TRIP13: variants seen among roughly 807,000 people sequenced by gnomAD.
TRIP13 encodes the protein thyroid hormone receptor interactor 13, also known as pachytene checkpoint protein 2 homolog.
A neutral mutation model predicts 54.4 loss-of-function variants in TRIP13; 25 were observed. That is an observed-to-expected ratio of 0.46 (90% confidence interval 0.33 to 0.64). The LOEUF (loss-of-function observed/expected upper bound fraction) is 0.64. TRIP13 is among the 30% of genes least tolerant of loss of function. The probability of loss-of-function intolerance (pLI) is 0.02; values close to 1 mark genes in which losing one functional copy is unlikely to be tolerated. For synonymous variants in TRIP13, 207 were observed against 207.8 expected (o/e 1.00, Z 0.03); for missense variants, 373 against 534.2 (o/e 0.70, Z 2.97).
chr5:901,279 A>G, intron 4 of TRIP13, 62 bp from the exon 5 acceptor site: 3 of 1,536,510 alleles, frequency 2.0e-6, no homozygotes, highest in South Asian at 1.2e-5. Context: ...GGGAGGGCAC[A>G]TTTCTTGGGG....
In TRIP13 at chr5:896,670, C is replaced by T. The variant is rs762063056; in HGVS notation, c.264C>T (p.Ile88=). 8.3e-5 allele frequency: 134 copies of T among 1,606,742 alleles called. No homozygotes were observed. The highest frequency in any genetic ancestry group is 1.1e-4 in the Non-Finnish European group (128 of 1,175,102). The change falls in exon 3 of 13, where the codon ATC becomes ATT. Residue 88 remains isoleucine, a synonymous_variant. Transcript: ENST00000166345. ...TELKVKDSQP[I]DLSACTVALH... is the part of the protein sequence containing the mutation. ...TGGCTTTTCCCTCATTTTAGCCCAT[C>T]GATTTGAGTGCATGCACTGTTGCAC...
At position 917,001 on chromosome 5, in the gene TRIP13, C is replaced by T. The variant is rs1228831668; in HGVS notation, c.1204-7C>T. 1.2e-6 allele frequency: 2 copies of T among 1,613,070 alleles called. No homozygotes were observed. Among genetic ancestry groups the T allele is most frequent in the East Asian group, 4.5e-5 (2 of 44,876 alleles). On this transcript the variant is annotated splice_polypyrimidine_tract_variant and splice_region_variant and intron_variant, in intron 12 of 12. Coordinates refer to ENST00000166345, the MANE Select transcript of TRIP13 (RefSeq NM_004237.4). ...AGCCCCTCCAGCAATGACCGTGTACCTTCTAGGCCCCCACCGTCACCATAG... is the reference window on the plus strand; with the variant it reads ...AGCCCCTCCAGCAATGACCGTGTACTTTCTAGGCCCCCACCGTCACCATAG...
At position 907,021 on chromosome 5, in the gene TRIP13, C is replaced by T. The variant is rs1754128577; in HGVS notation, c.609-109C>T. On this transcript the variant is annotated intron_variant, in intron 6 of 12. Transcript: ENST00000166345. This position sits in a 1 kb window ranked among gnomAD's most constrained non-coding sequence, Gnocchi z 4.1. The stretch of plus-strand genomic sequence containing the variant: ...CAATTCTTTGTCAGTAATTGTAATT[C>T]CCCCGATGCTGGGCACTTGAGATGT... The T allele has an allele frequency of 1.2e-6, 1 of 812,566 alleles. No individual in the cohort carries two copies. The highest frequency in any genetic ancestry group is 2.5e-5 in the East Asian group (1 of 40,090). The allele number at this position is 812,566 out of a possible 1,614,324, so 50.3% of individuals were successfully genotyped here.
rs558354179 is a variant in TRIP13, at chr5:914,334, G to A, written c.1021-131G>A. Reference sequence around the variant, plus strand: ...CTAGTGCAGCTGTGCATCTTGAGTCGTCACCGTCTGGATTTCTGTGAGACG... The same window carrying A: ...CTAGTGCAGCTGTGCATCTTGAGTCATCACCGTCTGGATTTCTGTGAGACG... On this transcript the variant is annotated intron_variant, in intron 10 of 12. Transcript: ENST00000166345. 4.1e-4 allele frequency: 277 copies of A among 671,010 alleles called. 1 individual carries two copies. In the South Asian group the frequency reaches 4.5e-3, roughly 11 times the overall value. 41.6% of individuals were successfully genotyped at this position (671,010 alleles called of 1,614,324 possible).
intron 1 of TRIP13, 28 bp downstream of exon 1, chr5:893,118 C>T (rs777543501): frequency 5.8e-6 from 9 of 1,556,550 alleles, no homozygotes; most frequent in Non-Finnish European, 7.8e-6. Context: ...GACACATCCT[C>T]TGGGCACCCA....
In TRIP13 at chr5:911,564, C is replaced by CT. The variant is rs1491077120; in HGVS notation, c.867-278dup. ...CCAGCCTGGGCGAAAGAGCGAGACT[C>CT]TGTCTCAAAAAAAAAAAAAAAGGAA... On this transcript the variant is annotated intron_variant, in intron 9 of 12. Coordinates refer to ENST00000166345, the MANE Select transcript of TRIP13 (RefSeq NM_004237.4). This position sits in a 1 kb window ranked among gnomAD's most constrained non-coding sequence, Gnocchi z 4.7. 7.2e-6 allele frequency among the ~76,000 whole-genome samples: 1 copy of CT among 138,636 alleles called. No individual in the cohort carries two copies. Among genetic ancestry groups the CT allele is most frequent in the Admixed American group, 7.0e-5 (1 of 14,296 alleles). The allele number at this position is 138,636 out of a possible 152,430, so 91.0% of individuals were successfully genotyped here. A position where few individuals can be genotyped will look rare whatever the true frequency, so the allele number is the denominator to read the frequency against.
At chr5:905,399 G>A (rs1191302370) in intron 6 of TRIP13, among the ~76,000 whole-genome samples, 3 of 152,158 alleles carry the variant, frequency 2.0e-5, no homozygotes, top group Non-Finnish European at 2.9e-5. Flanking sequence ...GGGGCGCCAT[G>A]AGGATCCTGG....
chr5:894,119 G>A (rs181157874), intron 1 of TRIP13, among the ~76,000 whole-genome samples: 3 of 152,282 alleles, frequency 2.0e-5, no homozygotes, highest in Admixed American at 6.5e-5. Flanking sequence ...GATTGCAAAG[G>A]GGCCACATGT....
intron 1 of TRIP13, 22 bp downstream of exon 1, chr5:893,112 C>T (rs1433363154): frequency 6.4e-7 from 1 of 1,566,844 alleles, no homozygotes; most frequent in Non-Finnish European, 8.6e-7. Context: ...CTGTCCGACA[C>T]ATCCTCTGGG....
rs1411457008 is a variant in TRIP13 at position 892,952 on chromosome 5, G to A, written c.-47G>A. ...GTGGCGGCGACGCTGGGCGTGAGGT[G>A]GCGGCGGCCGCGCCCTGGTTGGGTC... On this transcript the variant is annotated 5_prime_UTR_variant, in exon 1 of 13. Coordinates refer to ENST00000166345, the MANE Select transcript of TRIP13 (RefSeq NM_004237.4). 1 of 1,434,110 alleles carries A rather than the reference G, an allele frequency of 7.0e-7. No individual in the cohort carries two copies. Among genetic ancestry groups the A allele is most frequent in the Non-Finnish European group, 9.2e-7 (1 of 1,092,086 alleles). 88.8% of individuals were successfully genotyped at this position (1,434,110 alleles called of 1,614,324 possible).
rs1055424399 is a variant in TRIP13, at chr5:915,538, G to A, written c.1134-366G>A. ...AGGTGATGCATTCCCTGAGCGCAAG[G>A]ATGCTGGCCCTGGGGCAGAGGCTCC... On this transcript the variant is annotated intron_variant, in intron 11 of 12. Coordinates refer to ENST00000166345, the MANE Select transcript of TRIP13 (RefSeq NM_004237.4). The surrounding 1 kb of genome is among the most constrained non-coding windows in gnomAD (Gnocchi z 4.2). Among the ~76,000 whole-genome samples the A allele has an allele frequency of 1.3e-4, 19 of 151,244 alleles. No homozygotes were observed. Among genetic ancestry groups the A allele is most frequent in the Non-Finnish European group, 1.6e-4 (11 of 67,512 alleles).
Position 912,271 on chromosome 5 carries a change from C to G in TRIP13, c.1020+275C>G, listed in dbSNP as rs926175195. 8.6e-5 allele frequency among the ~76,000 whole-genome samples: 13 copies of G among 151,734 alleles called. No individual in the cohort carries two copies. Among genetic ancestry groups the G allele is most frequent in the African/African-American group, 3.1e-4 (13 of 41,288 alleles). ...CAGTGTAGGGGACGTCAGTGACCGGCTGTGTTTACCTGGCTGGCTGCACAA... is the reference window on the plus strand; with the variant it reads ...CAGTGTAGGGGACGTCAGTGACCGGGTGTGTTTACCTGGCTGGCTGCACAA... On this transcript the variant is annotated intron_variant, in intron 10 of 12. Coordinates refer to ENST00000166345, the MANE Select transcript of TRIP13 (RefSeq NM_004237.4). This position sits in a 1 kb window ranked among gnomAD's most constrained non-coding sequence, Gnocchi z 7.2.
Position 900,491 on chromosome 5 carries a change from C to T in TRIP13, c.389-3C>T. 1 of 1,612,882 alleles carries T rather than the reference C, an allele frequency of 6.2e-7. No individual in the cohort carries two copies. The highest frequency in any genetic ancestry group is 8.5e-7 in the Non-Finnish European group (1 of 1,179,774). Reference sequence around the variant, plus strand: ...ATCAGGTCTTTGTTTAATTCTGTCACAGCTGAATTCCATGGGCTTTGGGAC... The same window carrying T: ...ATCAGGTCTTTGTTTAATTCTGTCATAGCTGAATTCCATGGGCTTTGGGAC... On this transcript the variant is annotated splice_polypyrimidine_tract_variant and splice_region_variant and intron_variant, in intron 3 of 12. Transcript: ENST00000166345.
At chr5:905,259 C>T (rs1208143219) in intron 6 of TRIP13, among the ~76,000 whole-genome samples, 5 of 152,248 alleles carry the variant, frequency 3.3e-5, no homozygotes, top group Non-Finnish European at 5.9e-5. Flanking sequence ...CTCTGGCGGT[C>T]GGAGTATGCA....
In TRIP13 at chr5:893,052, G is replaced by A; in HGVS notation, c.54G>A (p.Ser18=). ...AGGCGCTTCCCTGTGTGGCCGAGTC[G>A]CCAACGGTCCACGTGGAGGTGCATC... The part of the protein sequence containing the change: ...LKQALPCVAE[S]PTVHVEVHQR... The change falls in exon 1 of 13, where the codon TCG becomes TCA. Residue 18 remains serine, a synonymous_variant. Transcript: ENST00000166345. 6.3e-7 allele frequency: 1 copy of A among 1,597,522 alleles called. No homozygotes were observed. The highest frequency in any genetic ancestry group is 8.5e-7 in the Non-Finnish European group (1 of 1,176,152).
chr5:911,399 G>A lies in TRIP13; in HGVS notation c.867-444G>A, dbSNP rs746226656. Among the ~76,000 whole-genome samples the A allele has an allele frequency of 4.0e-5, 6 of 151,798 alleles. No individual in the cohort carries two copies. Among genetic ancestry groups the A allele is most frequent in the Admixed American group, 6.6e-5 (1 of 15,256 alleles). ...ATCCTGGCTAACACGGTGAAACCCC[G>A]TCTCCACTAAAAATACAAAAAATTA... On this transcript the variant is annotated intron_variant, in intron 9 of 12. Transcript: ENST00000166345. The surrounding 1 kb of genome is among the most constrained non-coding windows in gnomAD (Gnocchi z 4.7).
Position 911,002 on chromosome 5 carries a change from C to T in TRIP13, c.867-841C>T, listed in dbSNP as rs1222888711. Reference sequence around the variant, plus strand: ...AGCAGTGGTAGCACTGCCACATGTGCAGCCACGCCCCCCAGGCCTGTGCAG... The same window carrying T: ...AGCAGTGGTAGCACTGCCACATGTGTAGCCACGCCCCCCAGGCCTGTGCAG... On this transcript the variant is annotated intron_variant, in intron 9 of 12. Transcript: ENST00000166345. The surrounding 1 kb of genome is among the most constrained non-coding windows in gnomAD (Gnocchi z 4.7). 6.6e-6 allele frequency among the ~76,000 whole-genome samples: 1 copy of T among 152,246 alleles called. No homozygotes were observed. The highest frequency in any genetic ancestry group is 2.4e-5 in the African/African-American group (1 of 41,478).
chr5:900,789 A>T (rs1212744755), intron 4 of TRIP13, among the ~76,000 whole-genome samples: 1 of 151,852 alleles, frequency 6.6e-6, no homozygotes, highest in Non-Finnish European at 1.5e-5. Context: ...AGAGAATTAA[A>T]CCCTCTGGAG....
intron 5 of TRIP13, among the ~76,000 whole-genome samples, chr5:903,062 A>G (rs1026991239): frequency 6.6e-6 from 1 of 152,168 alleles, no homozygotes. Context: ...AGGCCTCTGG[A>G]TGACTGCGGG....
Sources: gnomAD v4.1 joint callset for allele counts (sites outside exome capture counted in the v4.1 genomes callset) on GRCh38, gnomAD v4.1.1 for gene constraint, Gnocchi (gnomAD v3.1) non-coding constraint, MANE v1.5 for transcripts, NCBI Gene and HGNC (gene_info 2026-07-23, HGNC 2026-07-21) for gene names.